The following DPF1 variants were observed in gnomAD, a reference collection of about 807,000 sequenced individuals.
The protein encoded by DPF1 is zinc finger protein neuro-d4.
DPF1 carries 14 observed loss-of-function variants against 58.7 expected under a neutral mutation model. That is an observed-to-expected ratio of 0.24 (90% CI 0.16 to 0.37). The LOEUF (loss-of-function observed/expected upper bound fraction) is 0.37. Among genes scored for constraint, DPF1 ranks in the 10% least tolerant of loss-of-function variants. The probability of loss-of-function intolerance (pLI) is 1.00; values close to 1 mark genes in which losing one functional copy is unlikely to be tolerated. For missense variants in DPF1, 345 were observed against 529.9 expected, an observed-to-expected ratio of 0.65 and a Z score of 3.43; for synonymous variants, 216 against 216.0, an observed-to-expected ratio of 1.00 and a Z score of 0.00.
intron 7 of DPF1, among the ~76,000 whole-genome samples, chr19:38,216,866 C>T (rs1044018273): frequency 1.3e-5 from 2 of 152,220 alleles, no homozygotes; most frequent in Non-Finnish European, 2.9e-5. Context: ...ACTGCACCCT[C>T]AGTAATTTGT....
At chr19:38,212,237 T>TGGGGGGGGGGGGGGGGCCGC in intron 11 of DPF1, 43 bp downstream of exon 11, 1 of 1,256,816 alleles carries the variant, frequency 8.0e-7, no homozygotes, top group Non-Finnish European at 1.1e-6. Context: ...GGAGATGGCG[T>TGGGGGGGGGGGGGGGGCCGC]TCCCACCCAC....
chr19:38,226,010 A>G (rs560875039), upstream of DPF1, among the ~76,000 whole-genome samples: 27 of 152,240 alleles, frequency 1.8e-4, no homozygotes, highest in Admixed American at 3.3e-4. Flanking sequence ...CAGGTGAGGA[A>G]TCTGAGGCAC....
At chr19:38,223,016 C>G in intron 1 of DPF1, 1 of 382,284 alleles carries the variant, frequency 2.6e-6, no homozygotes, top group Non-Finnish European at 4.7e-6. Context: ...AAATCACACA[C>G]AGTCACACGG....
At chr19:38,215,648 G>A (rs1333338107) in intron 9 of DPF1, among the ~76,000 whole-genome samples, 1 of 152,108 alleles carries the variant, frequency 6.6e-6, no homozygotes. Flanking sequence ...TGCCCAGGCT[G>A]GTCTCAAACT....
chr19:38,215,540 C>T (rs116712207), intron 9 of DPF1, among the ~76,000 whole-genome samples: 1,927 of 152,116 alleles, frequency 0.013, 37 homozygotes, highest in African/African-American at 0.044. Context: ...TGGGCTCAAG[C>T]GAGCCTCCCA....
In DPF1 at chr19:38,218,967, A is replaced by G; in HGVS notation, c.390T>C (p.Ile130=). Residue 130 remains isoleucine, a synonymous_variant, in exon 4 of 12, where the codon ATT becomes ATC. Coordinates refer to ENST00000355526, the MANE Select transcript of DPF1 (RefSeq NM_001135155.3). ...TAATGGTCTCCTCCTCCTTCAGCTCAATCTTCTTCTCCCCCGTCTCTGCAC... is the reference window on the plus strand; with the variant it reads ...TAATGGTCTCCTCCTCCTTCAGCTCGATCTTCTTCTCCCCCGTCTCTGCAC... The part of the protein sequence containing the change: ...LLCAETGEKK[I]ELKEEETIMD... 1 of 1,614,174 alleles carries G rather than the reference A, an allele frequency of 6.2e-7. No homozygotes were observed. Among genetic ancestry groups the G allele is most frequent in the Non-Finnish European group, 8.5e-7 (1 of 1,180,014 alleles).
chr19:38,212,297 A>G lies in DPF1; in HGVS notation c.1076T>C (p.Met359Thr). Residue 359 changes from methionine to threonine, a missense_variant, in exon 11 of 12, where the codon ATG becomes ACG. Coordinates refer to ENST00000355526, the MANE Select transcript of DPF1 (RefSeq NM_001135155.3). Reference protein sequence around the residue: ...GYHMYCLSPPMAEPPEGSWSC... With the variant: ...GYHMYCLSPPTAEPPEGSWSC... ...CCTCTCACCTTCCGGGGGCTCCGCC[A>G]TGGGGGGACTCAGGCAGTACATGTG... 5 of 1,294,452 alleles carry G rather than the reference A, an allele frequency of 3.9e-6. No homozygotes were observed. Among genetic ancestry groups the G allele is most frequent in the Non-Finnish European group, 5.0e-6 (5 of 1,009,350 alleles). The allele number at this position is 1,294,452 out of a possible 1,614,324, so 80.2% of individuals were successfully genotyped here.
intron 5 of DPF1, among the ~76,000 whole-genome samples, chr19:38,218,364 C>A (rs1307861735): frequency 6.6e-6 from 1 of 152,202 alleles, no homozygotes; most frequent in African/African-American, 2.4e-5. Context: ...ACTGCATAAT[C>A]TCTGCTTTGC....
intron 5 of DPF1, 145 bp from the exon 6 acceptor site, chr19:38,218,021 G>A: frequency 1.4e-6 from 1 of 718,588 alleles, no homozygotes; most frequent in East Asian, 2.8e-5. Flanking sequence ...GGCCAACATG[G>A]TGAAGCCCCG....
intron 3 of DPF1, among the ~76,000 whole-genome samples, chr19:38,220,615 CAAAAAAA>C (rs35250280): frequency 6.0e-5 from 7 of 115,760 alleles, no homozygotes; most frequent in Non-Finnish European, 1.1e-4. Flanking sequence ...GACTCCGTCT[CAAAAAAA>C]AAAAAGAAAA....
In DPF1 at chr19:38,211,748, C is replaced by T; in HGVS notation, c.*315G>A. 1 of 334,004 alleles carries T rather than the reference C, an allele frequency of 3.0e-6. No homozygotes were observed. The highest frequency in any genetic ancestry group is 2.1e-5 in the African/African-American group (1 of 46,556). The allele number at this position is 334,004 out of a possible 1,614,324, so 20.7% of individuals were successfully genotyped here. A position where few individuals can be genotyped will look rare whatever the true frequency, so the allele number is the denominator to read the frequency against. On this transcript the variant is annotated 3_prime_UTR_variant, in exon 12 of 12. Coordinates refer to ENST00000355526, the MANE Select transcript of DPF1 (RefSeq NM_001135155.3). This position sits in a 1 kb window ranked among gnomAD's most constrained non-coding sequence, Gnocchi z 4.0. The stretch of plus-strand genomic sequence containing the variant: ...TTGTCTTTTTCTTTAGAAAAAGGCT[C>T]TGTCCATGCCCCTGGCTGGCACCCA...
chr19:38,217,600 C>A lies in DPF1; in HGVS notation c.596-9G>T, dbSNP rs773220186. On this transcript the variant is annotated splice_polypyrimidine_tract_variant and intron_variant, in intron 6 of 11. Transcript: ENST00000355526. ...ATACCGTTTCCCACAGACTGGGGAG[C>A]GAGCGAGCCAGGAGGGCCTGTCAGC... The A allele has an allele frequency of 3.0e-5, 47 of 1,543,568 alleles. No homozygotes were observed. The highest frequency in any genetic ancestry group is 4.1e-5 in the Non-Finnish European group (47 of 1,141,960).
At chr19:38,226,542 C>CACACCCT, upstream of DPF1, among the ~76,000 whole-genome samples, 1 of 75,262 alleles carries the variant, frequency 1.3e-5, no homozygotes, top group Admixed American at 1.2e-4. Flanking sequence ...ACACACACTC[C>CACACCCT]TCTAGTCTTA....
intron 3 of DPF1, among the ~76,000 whole-genome samples, chr19:38,221,731 C>T (rs1400077322): frequency 6.6e-6 from 1 of 152,068 alleles, no homozygotes; most frequent in African/African-American, 2.4e-5. Flanking sequence ...AGGAGGATCC[C>T]TTGAGCTCAG....
chr19:38,222,970 C>T lies in DPF1; in HGVS notation c.30-262G>A, dbSNP rs1053875573. On this transcript the variant is annotated intron_variant, in intron 1 of 11. Coordinates refer to ENST00000355526, the MANE Select transcript of DPF1 (RefSeq NM_001135155.3). The surrounding 1 kb of genome is among the most constrained non-coding windows in gnomAD (Gnocchi z 4.9). Reference sequence around the variant, plus strand: ...AGAAACAAACAAAAACACACCGGGACGTATCCCTACCTGAACACATGCAGA... The same window carrying T: ...AGAAACAAACAAAAACACACCGGGATGTATCCCTACCTGAACACATGCAGA... 2.9e-5 allele frequency: 14 copies of T among 487,942 alleles called. No homozygotes were observed. Among genetic ancestry groups the T allele is most frequent in the Non-Finnish European group, 4.3e-5 (12 of 278,454 alleles). 30.2% of individuals were successfully genotyped at this position (487,942 alleles called of 1,614,324 possible). A position where few individuals can be genotyped will look rare whatever the true frequency, so the allele number is the denominator to read the frequency against.
At position 38,229,296 on chromosome 19, in the gene DPF1, G is replaced by A. The variant is rs1037075512; in HGVS notation, c.-132+263C>T. Among the ~76,000 whole-genome samples, 8 of 152,012 alleles carry A rather than the reference G, an allele frequency of 5.3e-5. No homozygotes were observed. The East Asian group carries it at 1.6e-3, about 29-fold the overall frequency. On this transcript the variant is annotated intron_variant, in intron 1 of 11. Transcript: ENST00000412732. This position sits in a 1 kb window ranked among gnomAD's most constrained non-coding sequence, Gnocchi z 5.3. Reference sequence around the variant, plus strand: ...CTACCCCCACTCTGGGTGGGGAAACGGCCTCCGCCACCCCCAGCCCGCGCC... The same window carrying A: ...CTACCCCCACTCTGGGTGGGGAAACAGCCTCCGCCACCCCCAGCCCGCGCC...
At chr19:38,212,974 C>G (rs569607673) in intron 10 of DPF1, among the ~76,000 whole-genome samples, 1 of 149,418 alleles carries the variant, frequency 6.7e-6, no homozygotes, top group African/African-American at 2.5e-5. Context: ...ACGGTCATGG[C>G]TTTTGTTTTT....
intron 10 of DPF1, among the ~76,000 whole-genome samples, chr19:38,213,364 T>A (rs746077146): frequency 2.0e-5 from 3 of 152,218 alleles, no homozygotes; most frequent in Non-Finnish European, 4.4e-5. Flanking sequence ...GCCATTTCCC[T>A]AGCTGGCTGA....
intron 9 of DPF1, among the ~76,000 whole-genome samples, chr19:38,215,878 C>T (rs555044233): frequency 6.6e-6 from 1 of 152,320 alleles, no homozygotes; most frequent in Non-Finnish European, 1.5e-5. Flanking sequence ...CCTCTCACTA[C>T]TCTTGATGCC....
Sources: allele counts gnomAD v4.1 joint callset (sites outside exome capture counted in the v4.1 genomes callset), GRCh38; gene constraint gnomAD v4.1.1; non-coding constraint Gnocchi (gnomAD v3.1); transcripts MANE v1.5; gene names NCBI Gene and HGNC (gene_info 2026-07-23, HGNC 2026-07-21).